The following SI variants were observed in gnomAD, a reference collection of about 807,000 sequenced individuals.
SI encodes sucrase-isomaltase, intestinal.
In SI, 235 loss-of-function variants were observed where a neutral mutation model predicts 253.3. The observed-to-expected ratio is 0.93, with a 90% CI of 0.83 to 1.03. The LOEUF (loss-of-function observed/expected upper bound fraction) is 1.03. Among genes scored for constraint, SI ranks in the 50% least tolerant of loss-of-function variants. The pLI, the probability that SI is intolerant of heterozygous loss-of-function variation, is 0.00. For missense variants in SI, 2,442 were observed against 2,211.1 expected (o/e 1.10, Z -2.09); for synonymous variants, 819 against 712.0 (o/e 1.15, Z -2.39).
intron 9 of SI, 123 bp from the exon 10 acceptor site, chr3:165,060,150 A>G: frequency 1.2e-6 from 1 of 847,560 alleles, no homozygotes; most frequent in Non-Finnish European, 1.8e-6. Flanking sequence ...TATATAATTT[A>G]AACAAACCTT....
At chr3:165,028,775 C>T (rs575482559) in intron 25 of SI, among the ~76,000 whole-genome samples, 2 of 151,426 alleles carry the variant, frequency 1.3e-5, no homozygotes, top group South Asian at 4.1e-4. Context: ...TCTCACCTTA[C>T]ACAAAAGTCA....
Position 165,046,908 on chromosome 3 carries a change from G to A in SI, c.1820C>T (p.Ala607Val). The change falls in exon 16 of 48, where the codon GCT (alanine) becomes GTT (valine). Residue 607 changes from alanine (A) to valine (V), a missense_variant. Transcript: ENST00000264382. ...HAAHWLGDNT[A>V]SWEQMEWSIT... ...AGACCATTCCATTTGTTCCCATGAAGCAGTATTGTCTCCTAACCAATGCGC... is the reference window on the plus strand; with the variant it reads ...AGACCATTCCATTTGTTCCCATGAAACAGTATTGTCTCCTAACCAATGCGC... 6.2e-7 allele frequency: 1 copy of A among 1,613,116 alleles called. No individual in the cohort carries two copies. Among genetic ancestry groups the A allele is most frequent in the Non-Finnish European group, 8.5e-7 (1 of 1,179,462 alleles).
chr3:165,073,180 CT>C (rs1263549712), intron 3 of SI, among the ~76,000 whole-genome samples: 1 of 2,238 alleles, frequency 4.5e-4, no homozygotes, highest in Admixed American at 3.2e-3. Context: ...TTCTCTCTCT[CT>C]CTCTCTCTCT....
At chr3:165,038,071 T>G in intron 20 of SI, 47 bp from the exon 21 acceptor site, 1 of 1,509,330 alleles carries the variant, frequency 6.6e-7, no homozygotes, top group Non-Finnish European at 9.2e-7. Context: ...TTGAAGACTT[T>G]AAACTCTATT....
At chr3:165,060,167 T>C in intron 9 of SI, 140 bp from the exon 10 acceptor site, 1 of 728,756 alleles carries the variant, frequency 1.4e-6, no homozygotes, top group South Asian at 1.8e-5. Flanking sequence ...CCTTTAGTGT[T>C]ACCTGGATTC....
chr3:165,017,856 T>A lies in SI; in HGVS notation c.3538A>T (p.Thr1180Ser), dbSNP rs753519683. The A allele has an allele frequency of 6.2e-7, 1 of 1,612,508 alleles. No homozygotes were observed. Among genetic ancestry groups the A allele is most frequent in the African/African-American group, 1.3e-5 (1 of 74,886 alleles). Residue 1180 changes from threonine (T) to serine (S), a missense_variant, in exon 30 of 48, where the codon ACT becomes TCT. Physicochemically the swap from Thr to Ser is moderately conservative, Grantham distance 58. Coordinates refer to ENST00000264382, the MANE Select transcript of SI (RefSeq NM_001041.4). ...SNAMDVTFQP[T>S]PALTYRTVGG... ...ACTGTACGGTAAGTTAGAGCAGGAG[T>A]TGGCTGGAATGTAACATCTGGAAAT...
intron 20 of SI, among the ~76,000 whole-genome samples, chr3:165,038,563 A>AT (rs1427476242): frequency 1.7e-3 from 261 of 151,356 alleles, no homozygotes; most frequent in Non-Finnish European, 2.2e-3. Flanking sequence ...AATTCAAAAA[A>AT]AAAAAATAAA....
intron 12 of SI, among the ~76,000 whole-genome samples, chr3:165,056,366 C>T (rs1560011054): frequency 1.4e-5 from 2 of 143,358 alleles, no homozygotes; most frequent in South Asian, 2.2e-4. Flanking sequence ...GAAAAGAAGC[C>T]TCCAGTGACC....
intron 7 of SI, among the ~76,000 whole-genome samples, chr3:165,063,829 A>G (rs1714094100): frequency 6.6e-6 from 1 of 150,724 alleles, no homozygotes; most frequent in Non-Finnish European, 1.5e-5. Context: ...AATTTTAATA[A>G]CTTATGCCCA....
At chr3:165,058,888 G>C (rs77624593) in intron 12 of SI, 75 bp downstream of exon 12, 45 of 471,586 alleles carry the variant, frequency 9.5e-5, no homozygotes, top group Middle Eastern at 5.6e-4. Flanking sequence ...ACACACACAC[G>C]CACATCCACA....
intron 15 of SI, among the ~76,000 whole-genome samples, chr3:165,047,388 A>G (rs1261761430): frequency 2.0e-5 from 3 of 152,072 alleles, no homozygotes; most frequent in African/African-American, 7.2e-5. Context: ...GCCATGTGGA[A>G]CTGTAAATCC....
chr3:165,018,463 T>A (rs1055197423), intron 28 of SI, among the ~76,000 whole-genome samples: 1 of 150,868 alleles, frequency 6.6e-6, no homozygotes, highest in African/African-American at 2.4e-5. Context: ...ATTTTTTCCA[T>A]AGTAAAATGT....
chr3:165,009,927 G>A (rs941636834), intron 34 of SI, among the ~76,000 whole-genome samples: 3 of 151,972 alleles, frequency 2.0e-5, no homozygotes, highest in African/African-American at 7.3e-5. Flanking sequence ...CTTGCCAGTC[G>A]AAACATAAAA....
intron 36 of SI, among the ~76,000 whole-genome samples, chr3:165,007,521 C>G (rs1718569549): frequency 6.6e-6 from 1 of 151,944 alleles, no homozygotes; most frequent in African/African-American, 2.4e-5. Flanking sequence ...AACTTCCTTT[C>G]AAAATAATTT....
intron 37 of SI, among the ~76,000 whole-genome samples, chr3:165,002,318 G>A (rs1162654525): frequency 2.0e-5 from 3 of 151,640 alleles, no homozygotes; most frequent in African/African-American, 7.2e-5. Flanking sequence ...AAAACTTTTT[G>A]TGCAGGATTT....
At chr3:165,029,708 T>G (rs923352961) in intron 25 of SI, among the ~76,000 whole-genome samples, 1 of 149,458 alleles carries the variant, frequency 6.7e-6, no homozygotes, top group Admixed American at 6.7e-5. Context: ...AAGATATTTA[T>G]TCTTTAGCAA....
intron 5 of SI, 96 bp from the exon 6 acceptor site, chr3:165,067,587 A>G (rs1198412552): frequency 9.1e-7 from 1 of 1,101,434 alleles, no homozygotes; most frequent in Non-Finnish European, 1.4e-6. Context: ...AATAAAAAAT[A>G]ACGTGGTGAT....
At chr3:164,990,935 C>T (rs1489142530) in intron 44 of SI, among the ~76,000 whole-genome samples, 2 of 151,712 alleles carry the variant, frequency 1.3e-5, no homozygotes. Flanking sequence ...GGCAGGGTTT[C>T]TTTTTAAAAA....
Position 165,015,001 on chromosome 3 carries a change from T to A in SI, c.3999+122A>T, listed in dbSNP as rs967873417. On this transcript the variant is annotated intron_variant, in intron 33 of 47. Transcript: ENST00000264382. ...AAAGACTATACATTATTTTATTAGT[T>A]ATTAAATCATTACATTTCTGTATAG... 2.4e-5 allele frequency: 17 copies of A among 712,920 alleles called. 1 individual carries two copies. Among genetic ancestry groups the A allele is most frequent in the Non-Finnish European group, 4.1e-5 (17 of 410,510 alleles). The allele number at this position is 712,920 out of a possible 1,614,324, so 44.2% of individuals were successfully genotyped here. A position where few individuals can be genotyped will look rare whatever the true frequency, so the allele number is the denominator to read the frequency against.
Sources: gnomAD v4.1 joint callset for allele counts (sites outside exome capture counted in the v4.1 genomes callset) on GRCh38, gnomAD v4.1.1 for gene constraint, MANE v1.5 for transcripts, NCBI Gene and HGNC (gene_info 2026-07-23, HGNC 2026-07-21) for gene names.